ARHGEF26: variants seen among roughly 807,000 people sequenced by gnomAD.
ARHGEF26 encodes Rho guanine nucleotide exchange factor 26.
In ARHGEF26, 59 loss-of-function variants were observed where a neutral mutation model predicts 89.4. The observed-to-expected ratio is 0.66, with a 90% confidence interval of 0.54 to 0.82. The LOEUF is 0.82. Ranked by LOEUF, ARHGEF26 falls within the 40% of genes least tolerant of loss-of-function variation. The probability of loss-of-function intolerance (pLI) is 0.00; values close to 1 mark genes in which losing one functional copy is unlikely to be tolerated. For missense variants in ARHGEF26, 1,234 were observed against 1,085.6 expected (o/e 1.14, Z -1.92); for synonymous variants, 500 against 428.4 (o/e 1.17, Z -2.06).
intron 9 of ARHGEF26, among the ~76,000 whole-genome samples, chr3:154,214,632 G>A (rs557171196): frequency 4.6e-5 from 7 of 152,276 alleles, no homozygotes; most frequent in Non-Finnish European, 7.3e-5. Flanking sequence ...AAGAGGTGCC[G>A]TGTAGATAGT....
chr3:154,247,279 A>G (rs9868192), intron 12 of ARHGEF26, among the ~76,000 whole-genome samples: 43,578 of 152,016 alleles, frequency 0.29, 7,063 homozygotes, highest in South Asian at 0.41. Flanking sequence ...ATTTCTGTAA[A>G]TGGTACTATT....
rs1444791333 is a variant in ARHGEF26 at position 154,255,353 on chromosome 3, A to G, written c.2496A>G (p.Leu832=). The change falls in exon 15 of 15, where the codon CTA becomes CTG. Residue 832 remains leucine, a synonymous_variant. Coordinates refer to ENST00000465093, the MANE Select transcript of ARHGEF26 (RefSeq NM_015595.4). ...VSDGWYEGER[L]RDGERGWFPM... ...CAGGCTGGTATGAGGGGGAACGACT[A>G]CGAGATGGAGAAAGAGGCTGGTTTC... 5.0e-6 allele frequency: 8 copies of G among 1,613,406 alleles called. No individual in the cohort carries two copies. In the African/African-American group the frequency reaches 6.7e-5, roughly 13 times the overall value.
At position 154,256,371 on chromosome 3, in the gene ARHGEF26, T is replaced by C. The variant is rs953829401; in HGVS notation, c.*898T>C. 5 of 767,446 alleles carry C rather than the reference T, an allele frequency of 6.5e-6. No homozygotes were observed. The African/African-American group carries it at 7.7e-5, about 12-fold the overall frequency. The allele number at this position is 767,446 out of a possible 1,614,324, so 47.5% of individuals were successfully genotyped here. ...CCAAGTAGCTGGGATTGTAAGAGTA[T>C]GCCACCACGCCCAGCTACTTTTTGT... On this transcript the variant is annotated 3_prime_UTR_variant, in exon 15 of 15. Transcript: ENST00000465093.
chr3:154,138,449 T>A (rs1042118439), intron 4 of ARHGEF26, among the ~76,000 whole-genome samples: 3 of 152,176 alleles, frequency 2.0e-5, no homozygotes, highest in African/African-American at 7.2e-5. Context: ...TAGACAGAGA[T>A]TGAGGAAAAA....
intron 5 of ARHGEF26, 101 bp from the exon 6 acceptor site, chr3:154,152,671 A>G (rs1305174979): frequency 2.3e-6 from 2 of 854,336 alleles, no homozygotes; most frequent in Admixed American, 7.8e-5. Context: ...CTATACCTGA[A>G]AAGTGGAGTA....
In ARHGEF26 at chr3:154,241,101, G is replaced by A. The variant is rs920136705; in HGVS notation, c.2300+522G>A. Among the ~76,000 whole-genome samples, 8 of 152,106 alleles carry A rather than the reference G, an allele frequency of 5.3e-5. No homozygotes were observed. In the East Asian group the frequency reaches 7.7e-4, roughly 15 times the overall value. ...GAGTTTATGCACGACCAAAACAGGCGTCCTGTTGGTGCCTGCAGTTTCGCC... is the reference window on the plus strand; with the variant it reads ...GAGTTTATGCACGACCAAAACAGGCATCCTGTTGGTGCCTGCAGTTTCGCC... On this transcript the variant is annotated intron_variant, in intron 12 of 14. Transcript: ENST00000465093.
intron 5 of ARHGEF26, 39 bp downstream of exon 5, chr3:154,149,484 T>C (rs1171961278): frequency 5.8e-6 from 9 of 1,548,800 alleles, no homozygotes; most frequent in South Asian, 1.2e-5. Context: ...AGCTCTGGAG[T>C]GTGCATGTCG....
At chr3:154,207,384 A>G (rs1184881295) in intron 9 of ARHGEF26, among the ~76,000 whole-genome samples, 4 of 152,180 alleles carry the variant, frequency 2.6e-5, no homozygotes, top group Admixed American at 6.6e-5. Flanking sequence ...TCCAGCATCT[A>G]TAAGAAACTT....
intron 8 of ARHGEF26, among the ~76,000 whole-genome samples, chr3:154,193,652 A>C (rs1271875796): frequency 6.6e-6 from 1 of 152,184 alleles, no homozygotes; most frequent in Non-Finnish European, 1.5e-5. Flanking sequence ...CATTAAAATA[A>C]ACACTTTCAG....
At chr3:154,249,550 A>T (rs1343188613) in intron 12 of ARHGEF26, among the ~76,000 whole-genome samples, 1 of 152,134 alleles carries the variant, frequency 6.6e-6, no homozygotes, top group Non-Finnish European at 1.5e-5. Flanking sequence ...AGAGTGTTCC[A>T]TTTCAGCACA....
chr3:154,240,586 A>T lies in ARHGEF26; in HGVS notation c.2300+7A>T. ...TACTAGGAGCTGAGACGCAGTAAGT[A>T]TATGTGGGGAAAAGATTGGAATAGC... On this transcript the variant is annotated splice_region_variant and intron_variant, in intron 12 of 14. Transcript: ENST00000465093. 1 of 1,597,460 alleles carries T rather than the reference A, an allele frequency of 6.3e-7. No individual in the cohort carries two copies. Among genetic ancestry groups the T allele is most frequent in the Non-Finnish European group, 8.5e-7 (1 of 1,171,546 alleles).
chr3:154,213,239 G>GTATATATA lies in ARHGEF26; in HGVS notation c.1846-4629_1846-4628insATATATAT, dbSNP rs1227037124. 2.4e-4 allele frequency among the ~76,000 whole-genome samples: 31 copies of GTATATATA among 129,986 alleles called. 1 individual carries two copies. Among genetic ancestry groups the GTATATATA allele is most frequent in the Middle Eastern group, 4.6e-3 (1 of 218 alleles). 85.3% of individuals were successfully genotyped at this position (129,986 alleles called of 152,430 possible). A position where few individuals can be genotyped will look rare whatever the true frequency, so the allele number is the denominator to read the frequency against. On this transcript the variant is annotated intron_variant, in intron 9 of 14. Coordinates refer to ENST00000465093, the MANE Select transcript of ARHGEF26 (RefSeq NM_015595.4). ...AGAGTGTGTGTGTGTGTGTGTGTGT[G>GTATATATA]TGTATATATATATATATGCTTTTGT...
At chr3:154,211,826 G>A (rs1715378860) in intron 9 of ARHGEF26, among the ~76,000 whole-genome samples, 1 of 151,188 alleles carries the variant, frequency 6.6e-6, no homozygotes. Flanking sequence ...ATAGTATAAT[G>A]ACACCTAGAA....
chr3:154,200,858 T>A (rs1330909955), intron 9 of ARHGEF26, among the ~76,000 whole-genome samples: 1 of 152,048 alleles, frequency 6.6e-6, no homozygotes, highest in African/African-American at 2.4e-5. Flanking sequence ...CTATTGTAAA[T>A]GAGATTACTT....
At chr3:154,161,098 GTT>G (rs74681549) in intron 6 of ARHGEF26, among the ~76,000 whole-genome samples, 9 of 18,746 alleles carry the variant, frequency 4.8e-4, no homozygotes, top group African/African-American at 7.1e-4. Context: ...TGGTAGCCAG[GTT>G]TGTGTGTGTG....
rs774549332 is a variant in ARHGEF26 at position 154,122,076 on chromosome 3, G to T, written c.84G>T (p.Gln28His). The T allele has an allele frequency of 1.1e-5, 17 of 1,612,598 alleles. No individual in the cohort carries two copies. The highest frequency in any genetic ancestry group is 2.7e-5 in the African/African-American group (2 of 74,886). The change falls in exon 2 of 15, where the codon CAG becomes CAT. Residue 28 changes from glutamine to histidine, a missense_variant. Gln to His is a conservative substitution (Grantham distance 24). Transcript: ENST00000465093. ...WRRRSIPQPHQVLGRSKPRPQ... is the reference protein window; with the variant it reads ...WRRRSIPQPHHVLGRSKPRPQ... Reference sequence around the variant, plus strand: ...GGCGGTCGATTCCTCAGCCCCACCAGGTTCTGGGCCGGAGCAAGCCGAGGC... The same window carrying T: ...GGCGGTCGATTCCTCAGCCCCACCATGTTCTGGGCCGGAGCAAGCCGAGGC...
intron 9 of ARHGEF26, among the ~76,000 whole-genome samples, chr3:154,217,658 G>A (rs1042583972): frequency 6.6e-6 from 1 of 152,068 alleles, no homozygotes; most frequent in Non-Finnish European, 1.5e-5. Context: ...CCTGAGATAG[G>A]GTGACCTTTT....
chr3:154,222,531 C>G (rs1441129799), intron 10 of ARHGEF26, among the ~76,000 whole-genome samples: 2 of 152,154 alleles, frequency 1.3e-5, no homozygotes, highest in African/African-American at 4.8e-5. Context: ...AGTACTTTCC[C>G]TCATGGAATT....
At chr3:154,156,911 A>G (rs1720370539) in intron 6 of ARHGEF26, among the ~76,000 whole-genome samples, 1 of 152,144 alleles carries the variant, frequency 6.6e-6, no homozygotes, top group African/African-American at 2.4e-5. Flanking sequence ...ACTTTTACCT[A>G]ATGAAAAATT....
Sources: allele counts gnomAD v4.1 joint callset (sites outside exome capture counted in the v4.1 genomes callset), GRCh38; gene constraint gnomAD v4.1.1; transcripts MANE v1.5; gene names NCBI Gene and HGNC (gene_info 2026-07-23, HGNC 2026-07-21).